PPFIA2: variants seen among roughly 807,000 people sequenced by gnomAD.
The protein encoded by PPFIA2 is liprin-alpha-2.
Under a neutral mutation model 175.5 loss-of-function variants are expected in PPFIA2, and 46 were observed. The ratio of observed to expected loss-of-function variants is 0.26; its 90% confidence interval spans 0.21 to 0.34. The LOEUF is 0.34. PPFIA2 is among the 10% of genes least tolerant of loss of function. The pLI is 1.00. For synonymous variants in PPFIA2, 568 were observed against 511.4 expected (o/e 1.11, Z -1.49); for missense variants, 1,179 against 1,506.1 (o/e 0.78, Z 3.60).
chr12:81,484,455 C>T (rs1382019840), intron 4 of PPFIA2, among the ~76,000 whole-genome samples: 1 of 151,712 alleles, frequency 6.6e-6, no homozygotes, highest in Admixed American at 6.6e-5. Context: ...GCAGAAATAC[C>T]CTCAAAGATA....
At chr12:81,557,207 AC>A (rs2069043990) in intron 4 of PPFIA2, among the ~76,000 whole-genome samples, 4 of 151,804 alleles carry the variant, frequency 2.6e-5, no homozygotes, top group African/African-American at 9.7e-5. Context: ...ACACACACAC[AC>A]ACACACACGT....
At chr12:81,418,324 A>C (rs139295235) in intron 7 of PPFIA2, among the ~76,000 whole-genome samples, 1 of 151,960 alleles carries the variant, frequency 6.6e-6, no homozygotes, top group East Asian at 1.9e-4. Context: ...ACTTTTCCTT[A>C]CTTGCCAACG....
At chr12:81,301,624 G>A (rs1566009486) in intron 22 of PPFIA2, among the ~76,000 whole-genome samples, 1 of 152,134 alleles carries the variant, frequency 6.6e-6, no homozygotes. Context: ...CAAAACAGCT[G>A]CTACAATCTA....
chr12:81,552,334 C>A (rs1039371589), intron 4 of PPFIA2, among the ~76,000 whole-genome samples: 1 of 151,668 alleles, frequency 6.6e-6, no homozygotes, highest in Non-Finnish European at 1.5e-5. Flanking sequence ...GTGTCCCCTT[C>A]TAAGTGTAAA....
At chr12:81,283,923 G>A (rs1050314614) in intron 25 of PPFIA2, among the ~76,000 whole-genome samples, 1 of 151,700 alleles carries the variant, frequency 6.6e-6, no homozygotes, top group African/African-American at 2.4e-5. Flanking sequence ...TTAGAAACAT[G>A]TTACCTGTGA....
intron 22 of PPFIA2, among the ~76,000 whole-genome samples, chr12:81,310,441 T>C (rs1049545699): frequency 1.3e-5 from 2 of 152,170 alleles, no homozygotes; most frequent in African/African-American, 2.4e-5. Flanking sequence ...AACCGAATTG[T>C]AGAATGAAGT....
intron 7 of PPFIA2, among the ~76,000 whole-genome samples, chr12:81,420,961 A>G (rs1049157743): frequency 1.3e-5 from 2 of 152,142 alleles, no homozygotes; most frequent in South Asian, 2.1e-4. Context: ...CTGTAAGACT[A>G]TTAGTAGATT....
At chr12:81,715,000 G>A (rs887866311) in intron 3 of PPFIA2, among the ~76,000 whole-genome samples, 2 of 150,946 alleles carry the variant, frequency 1.3e-5, no homozygotes, top group African/African-American at 4.8e-5. Flanking sequence ...TAGTCAATGG[G>A]TGTTAATGAA....
chr12:81,267,283 A>G (rs1443520126), intron 29 of PPFIA2: 4 of 525,276 alleles, frequency 7.6e-6, no homozygotes, highest in Non-Finnish European at 1.1e-5. Context: ...CTTCGTTACT[A>G]TATTTCAATT....
At chr12:81,616,180 A>G (rs757544454) in intron 4 of PPFIA2, among the ~76,000 whole-genome samples, 7 of 152,134 alleles carry the variant, frequency 4.6e-5, no homozygotes, top group Non-Finnish European at 8.8e-5. Context: ...TTCTCTGTCT[A>G]TATCAGTATA....
chr12:81,657,993 G>C (rs1299644113), intron 4 of PPFIA2, among the ~76,000 whole-genome samples: 1 of 152,072 alleles, frequency 6.6e-6, no homozygotes, highest in African/African-American at 2.4e-5. Flanking sequence ...TTGCTGGCTG[G>C]GTGTGGTGGC....
chr12:81,634,403 C>A lies in PPFIA2; in HGVS notation c.303+42388G>T, dbSNP rs565368447. On this transcript the variant is annotated intron_variant, in intron 4 of 32. Transcript: ENST00000549396. ...TGTTTGAGCTGTTTCATTTTGTATT[C>A]TTTAAAGCACAGAGCACGTTTCTGG... Among the ~76,000 whole-genome samples the A allele has an allele frequency of 4.0e-3, 607 of 152,080 alleles. 3 individuals are homozygous for A. Among genetic ancestry groups the A allele is most frequent in the African/African-American group, 0.014 (572 of 41,564 alleles).
chr12:81,733,393 G>A (rs2081173374), intron 3 of PPFIA2, among the ~76,000 whole-genome samples: 1 of 151,516 alleles, frequency 6.6e-6, no homozygotes, highest in East Asian at 1.9e-4. Flanking sequence ...GAGATCTGCT[G>A]TACACCATTG....
chr12:81,726,768 T>A (rs912271139), intron 3 of PPFIA2, among the ~76,000 whole-genome samples: 15 of 151,448 alleles, frequency 9.9e-5, no homozygotes, highest in East Asian at 5.8e-4. Context: ...AACTGTAGTA[T>A]CTGCATCTGG....
At chr12:81,448,920 T>C (rs1357673870) in intron 5 of PPFIA2, among the ~76,000 whole-genome samples, 4 of 152,208 alleles carry the variant, frequency 2.6e-5, no homozygotes, top group South Asian at 2.1e-4. Flanking sequence ...CATATCATGA[T>C]AGGTAATCAG....
At chr12:81,731,416 A>T (rs969256708) in intron 3 of PPFIA2, among the ~76,000 whole-genome samples, 1 of 151,650 alleles carries the variant, frequency 6.6e-6, no homozygotes, top group African/African-American at 2.4e-5. Context: ...CTTTTCAAAA[A>T]TAAAGATTTG....
At chr12:81,716,158 T>C (rs2078591303) in intron 3 of PPFIA2, among the ~76,000 whole-genome samples, 1 of 151,734 alleles carries the variant, frequency 6.6e-6, no homozygotes, top group Non-Finnish European at 1.5e-5. Context: ...TAATGTAGAA[T>C]AACAATTTTT....
intron 4 of PPFIA2, among the ~76,000 whole-genome samples, chr12:81,518,761 C>T (rs1029936131): frequency 3.3e-5 from 5 of 152,096 alleles, no homozygotes; most frequent in Non-Finnish European, 4.4e-5. Context: ...TCCACAAGGG[C>T]AAAGACTCTT....
At chr12:81,322,687 C>T (rs1175790910) in intron 22 of PPFIA2, among the ~76,000 whole-genome samples, 1 of 152,086 alleles carries the variant, frequency 6.6e-6, no homozygotes, top group Admixed American at 6.6e-5. Context: ...ATAGTAAAGG[C>T]AAACTAGGCA....
Sources: gnomAD v4.1 joint callset for allele counts (sites outside exome capture counted in the v4.1 genomes callset) on GRCh38, gnomAD v4.1.1 for gene constraint, MANE v1.5 for transcripts, NCBI Gene and HGNC (gene_info 2026-07-23, HGNC 2026-07-21) for gene names.